Variants in DSTYK observed in about 807,000 individuals in gnomAD.
DSTYK encodes dual serine/threonine and tyrosine protein kinase, also known as RIP-homologous kinase.
In DSTYK, 34 loss-of-function variants were observed where a neutral mutation model predicts 98.7. The ratio of observed to expected loss-of-function variants is 0.34; its 90% CI spans 0.26 to 0.46. The LOEUF is 0.46. Ranked by LOEUF, DSTYK falls within the 20% of genes least tolerant of loss-of-function variation. DSTYK has a pLI of 1.00. For synonymous variants in DSTYK, 462 were observed against 457.3 expected (o/e 1.01, Z -0.13); for missense variants, 962 against 1,181.7 (o/e 0.81, Z 2.73).
intron 1 of DSTYK, among the ~76,000 whole-genome samples, chr1:205,199,676 T>C (rs560499725): frequency 2.0e-5 from 3 of 152,274 alleles, no homozygotes; most frequent in Middle Eastern, 3.4e-3. Flanking sequence ...ATAGAAAAAC[T>C]GCACCCCCAC....
rs1194310944 is a variant in DSTYK at position 205,145,598 on chromosome 1, G to T, written c.*1960C>A. On this transcript the variant is annotated 3_prime_UTR_variant, in exon 13 of 13. Transcript: ENST00000367162. The stretch of plus-strand genomic sequence containing the variant: ...GGCTGGAGTGCAGTGGCGTGATCTC[G>T]GCTCACCATGACCTCTGCCTCCCGG... The T allele has an allele frequency of 6.9e-6, 1 of 145,658 alleles. No individual in the cohort carries two copies. The highest frequency in any genetic ancestry group is 1.5e-5 in the Non-Finnish European group (1 of 66,940). The allele number at this position is 145,658 out of a possible 1,614,324, so 9.0% of individuals were successfully genotyped here. A position where few individuals can be genotyped will look rare whatever the true frequency, so the allele number is the denominator to read the frequency against.
intron 1 of DSTYK, 121 bp downstream of exon 1, chr1:205,211,150 C>A: frequency 1.4e-6 from 2 of 1,394,488 alleles, no homozygotes; most frequent in East Asian, 2.7e-5. Flanking sequence ...CCCGGCCACA[C>A]GACACGACTG....
chr1:205,163,659 G>T, intron 4 of DSTYK, 64 bp downstream of exon 4: 2 of 1,315,054 alleles, frequency 1.5e-6, no homozygotes, highest in South Asian at 1.3e-5. Flanking sequence ...TTGAAGTGTG[G>T]ACTTGTGCAG....
chr1:205,169,548 C>G lies in DSTYK; in HGVS notation c.939G>C (p.Leu313=), dbSNP rs764294580. 1.2e-6 allele frequency: 2 copies of G among 1,614,162 alleles called. No homozygotes were observed. The highest frequency in any genetic ancestry group is 1.7e-6 in the Non-Finnish European group (2 of 1,180,036). ...LYRQLIDLGY[L]SSSHWNCGAP... ...CCCCACAGTTCCAGTGACTGCTGCT[C>G]AGATAGCCCAGGTCAATTAGCTGGC... The change falls in exon 3 of 13, where the codon CTG becomes CTC. Residue 313 remains leucine, a synonymous_variant. Coordinates refer to ENST00000367162, the MANE Select transcript of DSTYK (RefSeq NM_015375.3). The surrounding 1 kb of genome is among the most constrained non-coding windows in gnomAD (Gnocchi z 4.0).
At chr1:205,186,042 GA>G (rs1256998228) in intron 2 of DSTYK, among the ~76,000 whole-genome samples, 1 of 151,602 alleles carries the variant, frequency 6.6e-6, no homozygotes, top group African/African-American at 2.4e-5. Flanking sequence ...AAAAAGAAAA[GA>G]AAAAAAATAT....
At position 205,171,472 on chromosome 1, in the gene DSTYK, A is replaced by C. The variant is rs898292326; in HGVS notation, c.655-1640T>G. ...TCTCAATTAAAAAAAAAAAAAAAAA[A>C]AAAGATCTTTGAGGTTTGAGGTTTA... On this transcript the variant is annotated intron_variant, in intron 2 of 12. Coordinates refer to ENST00000367162, the MANE Select transcript of DSTYK (RefSeq NM_015375.3). 3.0e-5 allele frequency among the ~76,000 whole-genome samples: 3 copies of C among 99,356 alleles called. No individual in the cohort carries two copies. In the Admixed American group the frequency reaches 3.4e-4, roughly 11 times the overall value. 65.2% of individuals were successfully genotyped at this position (99,356 alleles called of 152,430 possible). A position where few individuals can be genotyped will look rare whatever the true frequency, so the allele number is the denominator to read the frequency against.
intron 5 of DSTYK, 28 bp from the exon 6 acceptor site, chr1:205,162,240 C>T: frequency 3.1e-6 from 5 of 1,608,362 alleles, no homozygotes; most frequent in Non-Finnish European, 4.3e-6. Context: ...GCGAGATCAC[C>T]AAGGAATGAG....
At chr1:205,204,407 A>T (rs1033600460) in intron 1 of DSTYK, among the ~76,000 whole-genome samples, 3 of 151,420 alleles carry the variant, frequency 2.0e-5, no homozygotes, top group Non-Finnish European at 4.4e-5. Context: ...TGTTCCTCTC[A>T]TTCTTCTGCG....
chr1:205,174,370 G>C (rs1658162562), intron 2 of DSTYK, among the ~76,000 whole-genome samples: 1 of 151,964 alleles, frequency 6.6e-6, no homozygotes, highest in South Asian at 2.1e-4. Flanking sequence ...AAAATTAGCT[G>C]AGTGTGGTGG....
At chr1:205,181,527 G>C (rs1353563782) in intron 2 of DSTYK, among the ~76,000 whole-genome samples, 1 of 151,886 alleles carries the variant, frequency 6.6e-6, no homozygotes, top group African/African-American at 2.4e-5. Context: ...GCTAATTTTT[G>C]TATTTTTAAT....
chr1:205,160,492 C>T (rs1184893649), intron 7 of DSTYK, among the ~76,000 whole-genome samples: 3 of 152,052 alleles, frequency 2.0e-5, no homozygotes, highest in Admixed American at 6.6e-5. Flanking sequence ...TACGCCACCA[C>T]GCACAGCTAA....
chr1:205,185,259 A>T (rs1045602522), intron 2 of DSTYK, among the ~76,000 whole-genome samples: 13 of 152,206 alleles, frequency 8.5e-5, no homozygotes, highest in African/African-American at 3.1e-4. Context: ...TAAGAGAAAA[A>T]AGTCAAATGA....
chr1:205,196,575 C>CA (rs545982543), intron 1 of DSTYK, among the ~76,000 whole-genome samples: 132 of 151,902 alleles, frequency 8.7e-4, no homozygotes, highest in African/African-American at 2.8e-3. Flanking sequence ...AAAACAACAA[C>CA]AAAAAAACCC....
chr1:205,149,877 T>G (rs1276940791), intron 11 of DSTYK, among the ~76,000 whole-genome samples: 1 of 152,190 alleles, frequency 6.6e-6, no homozygotes, highest in Admixed American at 6.5e-5. Context: ...TGTGATTTTC[T>G]TCATTATTTC....
intron 1 of DSTYK, among the ~76,000 whole-genome samples, chr1:205,198,465 T>G (rs1558625058): frequency 6.6e-6 from 1 of 152,126 alleles, no homozygotes; most frequent in Non-Finnish European, 1.5e-5. Context: ...TCTTATATAC[T>G]AAAAAATAAG....
rs1292535431 is a variant in DSTYK at position 205,197,968 on chromosome 1, C to T, written c.266-10162G>A. 3.3e-5 allele frequency among the ~76,000 whole-genome samples: 5 copies of T among 152,022 alleles called. No individual in the cohort carries two copies. In the East Asian group the frequency reaches 9.6e-4, roughly 29 times the overall value. On this transcript the variant is annotated intron_variant, in intron 1 of 12. Transcript: ENST00000367162. ...CAGCACTTTGGGAGGCTGAGGCGGG[C>T]GGATCACCTGAGGTCGGGAGTTTGA...
intron 4 of DSTYK, 102 bp downstream of exon 4, chr1:205,163,621 G>A: frequency 4.2e-6 from 4 of 953,148 alleles, no homozygotes; most frequent in Non-Finnish European, 6.4e-6. Flanking sequence ...AGATTCGCAA[G>A]AAGCTGAAAG....
chr1:205,194,959 A>C (rs1658820790), intron 1 of DSTYK, among the ~76,000 whole-genome samples: 1 of 150,984 alleles, frequency 6.6e-6, no homozygotes, highest in South Asian at 2.1e-4. Flanking sequence ...CAGCCTCCCG[A>C]GTAGCAGGGA....
At chr1:205,183,354 C>T (rs1658476007) in intron 2 of DSTYK, among the ~76,000 whole-genome samples, 2 of 152,060 alleles carry the variant, frequency 1.3e-5, no homozygotes, top group Admixed American at 1.3e-4. Flanking sequence ...GACGGTGTTC[C>T]TCTATTGTTG....
Sources: allele counts gnomAD v4.1 joint callset (sites outside exome capture counted in the v4.1 genomes callset), GRCh38; gene constraint gnomAD v4.1.1; non-coding constraint Gnocchi (gnomAD v3.1); transcripts MANE v1.5; gene names NCBI Gene and HGNC (gene_info 2026-07-23, HGNC 2026-07-21).